PALB2: variants seen among roughly 807,000 people sequenced by gnomAD.
PALB2 encodes the protein mutant partner and localizer of BRCA2.
A neutral mutation model predicts 107.4 loss-of-function variants in PALB2; 82 were observed. That is an observed-to-expected ratio of 0.76 (90% CI 0.64 to 0.92). The LOEUF is 0.92. Among genes scored for constraint, PALB2 ranks in the 40% least tolerant of loss-of-function variants. The probability of loss-of-function intolerance (pLI) is 0.00; values close to 1 mark genes in which losing one functional copy is unlikely to be tolerated. For missense variants in PALB2, 1,374 were observed against 1,379.9 expected (o/e 1.00, Z 0.07); for synonymous variants, 489 against 496.8 (o/e 0.98, Z 0.21).
At chr16:23,622,104 T>C (rs1966782938) in intron 9 of PALB2, among the ~76,000 whole-genome samples, 1 of 152,160 alleles carries the variant, frequency 6.6e-6, no homozygotes, top group Non-Finnish European at 1.5e-5. Context: ...AGAAGATACA[T>C]GAATAATAAC....
rs375876405 is a variant in PALB2, at chr16:23,638,024, A to G, written c.108+46T>C. On this transcript the variant is annotated intron_variant, in intron 2 of 12. Coordinates refer to ENST00000261584, the MANE Select transcript of PALB2 (RefSeq NM_024675.4). The stretch of plus-strand genomic sequence containing the variant: ...TTATAGAGTCAAGAACTGTTTTTAA[A>G]TTGTTTGTACTATAACACCTTAATT... 41 of 1,606,876 alleles carry G rather than the reference A, an allele frequency of 2.6e-5. No homozygotes were observed. The African/African-American group carries it at 3.2e-4, about 13-fold the overall frequency.
At chr16:23,616,814 G>T (rs570415195) in intron 10 of PALB2, among the ~76,000 whole-genome samples, 5 of 151,892 alleles carry the variant, frequency 3.3e-5, no homozygotes, top group Non-Finnish European at 5.9e-5. Flanking sequence ...TTAAGCTTAA[G>T]AAATTTTTTT....
At chr16:23,640,487 G>A (rs969450411) in intron 1 of PALB2, 7 of 214,840 alleles carry the variant, frequency 3.3e-5, no homozygotes, top group African/African-American at 1.6e-4. Context: ...ATGGGTGGCA[G>A]AGTGAGACTC....
chr16:23,627,508 A>G (rs1037841370), intron 6 of PALB2, among the ~76,000 whole-genome samples: 1 of 151,514 alleles, frequency 6.6e-6, no homozygotes, highest in Non-Finnish European at 1.5e-5. Flanking sequence ...AAAAAAAAAA[A>G]AAAGAAAAAT....
At chr16:23,629,153 A>G (rs750892599) in intron 6 of PALB2, 51 bp downstream of exon 6, 26 of 1,410,426 alleles carry the variant, frequency 1.8e-5, no homozygotes, top group Non-Finnish European at 2.2e-5. Context: ...TCAGTTCATT[A>G]AAGTTTTCAT....
At position 23,637,891 on chromosome 16, in the gene PALB2, C is replaced by A. The variant is rs876660029; in HGVS notation, c.170G>T (p.Cys57Phe). Residue 57 changes from cysteine to phenylalanine, a missense_variant, in exon 3 of 13, where the codon TGT (cysteine) becomes TTT (phenylalanine). Physicochemically the swap from Cys to Phe is radical, Grantham distance 205 (BLOSUM62 -2). Transcript: ENST00000261584. Reference sequence around the variant, plus strand: ...CGGTGAGAGATCCTGCTGAGACAAACAATCTTGTTCTTCTACTGTTTTCTT... The same window carrying A: ...CGGTGAGAGATCCTGCTGAGACAAAAAATCTTGTTCTTCTACTGTTTTCTT... ...SIKKTVEEQD[C>F]LSQQDLSPQL... The A allele has an allele frequency of 3.1e-6, 5 of 1,613,956 alleles. No homozygotes were observed. Among genetic ancestry groups the A allele is most frequent in the Non-Finnish European group, 4.2e-6 (5 of 1,179,998 alleles).
rs878855101 is a variant in PALB2, at chr16:23,635,078, G to C, written c.1468C>G (p.Pro490Ala). Residue 490 changes from proline to alanine, a missense_variant, in exon 4 of 13, where the codon CCC becomes GCC. Pro to Ala is a conservative substitution (Grantham distance 27, BLOSUM62 -1). Transcript: ENST00000261584. ...TCATTATCTTCAGTGGGCCCAGCGG[G>C]AGAGCTGACTTTAGTTAATGAGAGA... Reference protein sequence around the residue: ...KLLSLTKVSSPAGPTEDNDLS... With the variant: ...KLLSLTKVSSAAGPTEDNDLS... The C allele has an allele frequency of 2.5e-6, 4 of 1,614,036 alleles. No individual in the cohort carries two copies. The highest frequency in any genetic ancestry group is 1.3e-5 in the African/African-American group (1 of 74,910).
chr16:23,638,605 T>C (rs1472031546), intron 1 of PALB2: 1 of 454,828 alleles, frequency 2.2e-6, no homozygotes, highest in Non-Finnish European at 4.4e-6. Flanking sequence ...GGAATAATAA[T>C]TGATACCCAC....
At position 23,623,106 on chromosome 16, in the gene PALB2, A is replaced by G. The variant is rs515726101; in HGVS notation, c.2859T>C (p.Asp953=). The change falls in exon 9 of 13, where the codon GAT becomes GAC. Residue 953 remains aspartate (D), a synonymous_variant. Coordinates refer to ENST00000261584, the MANE Select transcript of PALB2 (RefSeq NM_024675.4). ...EIRALFCSSD[D]ESEKQVLLKS... Reference sequence around the variant, plus strand: ...TCAGTAGTACTTGCTTTTCACTTTCATCATCAGAGGAACAAAACAATGCCC... The same window carrying G: ...TCAGTAGTACTTGCTTTTCACTTTCGTCATCAGAGGAACAAAACAATGCCC... 2.0e-5 allele frequency: 33 copies of G among 1,613,972 alleles called. No homozygotes were observed. Among genetic ancestry groups the G allele is most frequent in the South Asian group, 4.4e-5 (4 of 91,074 alleles).
Position 23,638,148 on chromosome 16 carries a change from C to T in PALB2, c.49-19G>A, listed in dbSNP as rs2142461519. The T allele has an allele frequency of 6.2e-7, 1 of 1,606,990 alleles. No individual in the cohort carries two copies. The highest frequency in any genetic ancestry group is 1.1e-5 in the South Asian group (1 of 90,900). ...CCTTTAACTGGAAGAAGAAAAACAC[C>T]AACAATACTGGGCAAGTGGAAAGGT... On this transcript the variant is annotated intron_variant, in intron 1 of 12. Coordinates refer to ENST00000261584, the MANE Select transcript of PALB2 (RefSeq NM_024675.4).
At chr16:23,616,145 C>T (rs754120255) in intron 10 of PALB2, among the ~76,000 whole-genome samples, 1 of 152,180 alleles carries the variant, frequency 6.6e-6, no homozygotes, top group Non-Finnish European at 1.5e-5. Context: ...GAAGAGTTCC[C>T]ATCCCTGTTA....
At position 23,630,047 on chromosome 16, in the gene PALB2, A is replaced by C; in HGVS notation, c.2107T>G (p.Leu703Val). Residue 703 changes from leucine to valine, a missense_variant, in exon 5 of 13, where the codon TTA becomes GTA. Coordinates refer to ENST00000261584, the MANE Select transcript of PALB2 (RefSeq NM_024675.4). ...ACCGTATTTAAAGGAGTATAAAGTA[A>C]TATGGATGAAGAAAGGCCCGTCTTT... Reference protein sequence around the residue: ...HTKTGLSSSILLYTPLNTVAP... With the variant: ...HTKTGLSSSIVLYTPLNTVAP... 6.2e-7 allele frequency: 1 copy of C among 1,614,172 alleles called. No individual in the cohort carries two copies. The highest frequency in any genetic ancestry group is 1.7e-5 in the Admixed American group (1 of 60,014).
In PALB2 at chr16:23,636,320, T is replaced by C. The variant is rs541028076; in HGVS notation, c.226A>G (p.Ile76Val). 46 of 1,608,080 alleles carry C rather than the reference T, an allele frequency of 2.9e-5. No homozygotes were observed. Among genetic ancestry groups the C allele is most frequent in the Non-Finnish European group, 3.7e-5 (44 of 1,176,896 alleles). Reference protein sequence around the residue: ...QLKHSEPKNKICVYDKLHIKT... With the variant: ...QLKHSEPKNKVCVYDKLHIKT... ...ATGTGTAACTTGTCATAAACACATATTTTATTTTTAGGTTCTGAGGAGGAA... is the reference window on the plus strand; with the variant it reads ...ATGTGTAACTTGTCATAAACACATACTTTATTTTTAGGTTCTGAGGAGGAA... The change falls in exon 4 of 13, where the codon ATA (isoleucine) becomes GTA (valine). Residue 76 changes from isoleucine (I) to valine (V), a missense_variant. Ile to Val is a conservative substitution (Grantham distance 29). Transcript: ENST00000261584.
intron 4 of PALB2, among the ~76,000 whole-genome samples, chr16:23,630,923 AAC>A (rs2142393139): frequency 6.6e-6 from 1 of 152,022 alleles, no homozygotes; most frequent in South Asian, 2.1e-4. Flanking sequence ...CAGCCTGGGC[AAC>A]ACAGTGAGAC....
intron 11 of PALB2, among the ~76,000 whole-genome samples, chr16:23,608,695 G>C (rs2142277811): frequency 6.6e-6 from 1 of 151,860 alleles, no homozygotes; most frequent in East Asian, 1.9e-4. Flanking sequence ...ACCAAAAAAA[G>C]ATACCATCAC....
At chr16:23,627,411 CGGGAA>C (rs1966846277) in intron 6 of PALB2, among the ~76,000 whole-genome samples, 1 of 148,796 alleles carries the variant, frequency 6.7e-6, no homozygotes, top group South Asian at 2.1e-4. Context: ...GGCGTGAACC[CGGGAA>C]GCGGAGCTTG....
At chr16:23,618,066 A>G (rs1966714564) in intron 10 of PALB2, among the ~76,000 whole-genome samples, 1 of 152,178 alleles carries the variant, frequency 6.6e-6, no homozygotes, top group Admixed American at 6.5e-5. Flanking sequence ...TGGGAGGCTG[A>G]AGTGGGAGGA....
intron 10 of PALB2, among the ~76,000 whole-genome samples, chr16:23,614,854 T>C (rs1488938276): frequency 6.6e-6 from 1 of 151,282 alleles, no homozygotes; most frequent in Non-Finnish European, 1.5e-5. Context: ...GTTTCACCGT[T>C]TTAGCCGGGA....
At chr16:23,603,785 A>C (rs1966410866) in intron 12 of PALB2, 116 bp from the exon 13 acceptor site, 1 of 869,464 alleles carries the variant, frequency 1.2e-6, no homozygotes, top group Admixed American at 2.3e-5. Context: ...AATCCCTGTA[A>C]CTATGAATGC....
Sources: allele counts gnomAD v4.1 joint callset (sites outside exome capture counted in the v4.1 genomes callset), GRCh38; gene constraint gnomAD v4.1.1; transcripts MANE v1.5; gene names NCBI Gene and HGNC (gene_info 2026-07-23, HGNC 2026-07-21).